Variants in TNFRSF21 observed in about 807,000 individuals in gnomAD.
TNFRSF21 encodes the protein TNF receptor superfamily member 21.
In TNFRSF21, 19 loss-of-function variants were observed where a neutral mutation model predicts 45.6. The ratio of observed to expected loss-of-function variants is 0.42; its 90% CI spans 0.29 to 0.61. The LOEUF (loss-of-function observed/expected upper bound fraction) is 0.61, where lower values mean the gene tolerates loss of function less well. Ranked by LOEUF, TNFRSF21 falls within the 20% of genes least tolerant of loss-of-function variation. The pLI is 0.23. For missense variants in TNFRSF21, 737 were observed against 851.5 expected, an observed-to-expected ratio of 0.87 and a Z score of 1.67; for synonymous variants, 314 against 335.5, an observed-to-expected ratio of 0.94 and a Z score of 0.70.
At chr6:47,239,839 A>G (rs879281164) in intron 4 of TNFRSF21, among the ~76,000 whole-genome samples, 2 of 151,850 alleles carry the variant, frequency 1.3e-5, no homozygotes, top group African/African-American at 2.4e-5. Context: ...TACTGTTGCT[A>G]TTTCATTCTC....
In TNFRSF21 at chr6:47,232,340, C is replaced by T. The variant is rs1764595500; in HGVS notation, c.*425G>A. ...ACTGCTTATAGGATTCACAAGATGC[C>T]ATTATACTTTTAAGAAGTTAAGAGC... On this transcript the variant is annotated 3_prime_UTR_variant, in exon 6 of 6. Transcript: ENST00000296861. The T allele has an allele frequency of 6.3e-6, 1 of 158,814 alleles. No homozygotes were observed. Among genetic ancestry groups the T allele is most frequent in the Admixed American group, 6.1e-5 (1 of 16,344 alleles). The allele number at this position is 158,814 out of a possible 1,614,324, so 9.8% of individuals were successfully genotyped here.
chr6:47,270,327 T>A (rs190981324), intron 3 of TNFRSF21, among the ~76,000 whole-genome samples: 3 of 152,172 alleles, frequency 2.0e-5, no homozygotes, highest in Non-Finnish European at 4.4e-5. Flanking sequence ...TGTTCTGCAA[T>A]ATTTGCCGTT....
chr6:47,239,415 G>A (rs189291992), intron 4 of TNFRSF21, among the ~76,000 whole-genome samples: 207 of 152,134 alleles, frequency 1.4e-3, no homozygotes, highest in African/African-American at 4.5e-3. Flanking sequence ...GGAGGTTGCA[G>A]TATTCCCCTA....
chr6:47,238,092 A>G (rs540487509), intron 4 of TNFRSF21, among the ~76,000 whole-genome samples: 2 of 152,326 alleles, frequency 1.3e-5, no homozygotes, highest in East Asian at 3.9e-4. Context: ...TTTGACAGCT[A>G]GAAAATCAAT....
intron 1 of TNFRSF21, among the ~76,000 whole-genome samples, chr6:47,293,424 G>A (rs1301335602): frequency 1.3e-5 from 2 of 152,202 alleles, no homozygotes; most frequent in Non-Finnish European, 2.9e-5. Context: ...TCATGCTACA[G>A]CGGCAGAGTT....
chr6:47,252,100 G>C (rs1764908834), intron 4 of TNFRSF21, among the ~76,000 whole-genome samples: 1 of 152,112 alleles, frequency 6.6e-6, no homozygotes, highest in South Asian at 2.1e-4. Flanking sequence ...TGCGCTATCA[G>C]TATAAAAAGA....
chr6:47,282,632 C>T (rs551411945), intron 3 of TNFRSF21, among the ~76,000 whole-genome samples: 157 of 152,248 alleles, frequency 1.0e-3, no homozygotes, highest in African/African-American at 3.5e-3. Context: ...GAAACCCACA[C>T]ATAAATCCCA....
rs747406337 is a variant in TNFRSF21 at position 47,232,844 on chromosome 6, T to G, written c.1889A>C (p.Glu630Ala). 1 of 1,614,126 alleles carries G rather than the reference T, an allele frequency of 6.2e-7. No homozygotes were observed. Among genetic ancestry groups the G allele is most frequent in the East Asian group, 2.2e-5 (1 of 44,878 alleles). Reference protein sequence around the residue: ...QAEDKLDRLFEIIGVKSQEAS... With the variant: ...QAEDKLDRLFAIIGVKSQEAS... ...TTCCTGGCTCTTGACTCCAATAATT[T>G]CGAATAGCCGGTCTAGTTTGTCCTC... Residue 630 changes from glutamate (E) to alanine (A), a missense_variant, in exon 6 of 6, where the codon GAA becomes GCA. Coordinates refer to ENST00000296861, the MANE Select transcript of TNFRSF21 (RefSeq NM_014452.5).
chr6:47,306,252 G>A (rs906082824), intron 1 of TNFRSF21, among the ~76,000 whole-genome samples: 7 of 152,192 alleles, frequency 4.6e-5, no homozygotes, highest in African/African-American at 1.7e-4. Context: ...TCCTTCCAAA[G>A]GCATTCCTGT....
At chr6:47,273,560 GA>G (rs2113859188) in intron 3 of TNFRSF21, among the ~76,000 whole-genome samples, 1 of 152,280 alleles carries the variant, frequency 6.6e-6, no homozygotes, top group South Asian at 2.1e-4. Flanking sequence ...ACATCATACT[GA>G]ATGGGCAAAA....
intron 3 of TNFRSF21, among the ~76,000 whole-genome samples, chr6:47,255,202 A>C (rs762413639): frequency 6.6e-6 from 1 of 152,194 alleles, no homozygotes; most frequent in Non-Finnish European, 1.5e-5. Context: ...GGTGATGATG[A>C]AATTGGTGAA....
chr6:47,251,529 C>A (rs951536478), intron 4 of TNFRSF21, among the ~76,000 whole-genome samples: 8 of 152,150 alleles, frequency 5.3e-5, no homozygotes, highest in African/African-American at 1.9e-4. Context: ...TGCACTCTCA[C>A]CTTCTTATTT....
chr6:47,261,401 G>A (rs34219815), intron 3 of TNFRSF21, among the ~76,000 whole-genome samples: 3,542 of 152,258 alleles, frequency 0.023, 60 homozygotes, highest in Non-Finnish European at 0.03. Flanking sequence ...AAATGAATGA[G>A]AGTCTTTTTT....
chr6:47,257,892 T>G (rs1356115624), intron 3 of TNFRSF21, among the ~76,000 whole-genome samples: 2 of 152,182 alleles, frequency 1.3e-5, no homozygotes, highest in Non-Finnish European at 2.9e-5. Context: ...TAGTGCAAGG[T>G]CACCCACCCA....
intron 4 of TNFRSF21, among the ~76,000 whole-genome samples, chr6:47,236,305 CA>C (rs1764665387): frequency 6.6e-6 from 1 of 152,156 alleles, no homozygotes; most frequent in African/African-American, 2.4e-5. Context: ...CCAGATCACA[CA>C]GAGCAGGGTT....
intron 4 of TNFRSF21, among the ~76,000 whole-genome samples, chr6:47,251,932 A>G (rs1239056440): frequency 6.6e-6 from 1 of 152,174 alleles, no homozygotes; most frequent in Non-Finnish European, 1.5e-5. Flanking sequence ...ATTAATAAGT[A>G]TTTTTTTCTG....
intron 3 of TNFRSF21, among the ~76,000 whole-genome samples, chr6:47,271,141 C>A (rs1162931054): frequency 1.3e-5 from 2 of 152,134 alleles, no homozygotes; most frequent in East Asian, 3.9e-4. Flanking sequence ...GGCAGGCCAA[C>A]ATTCAAATTC....
chr6:47,298,334 A>C (rs2113869493), intron 1 of TNFRSF21, among the ~76,000 whole-genome samples: 1 of 151,122 alleles, frequency 6.6e-6, no homozygotes, highest in African/African-American at 2.4e-5. Context: ...TGTTCCAGCT[A>C]CTCAGGAGGC....
Position 47,286,035 on chromosome 6 carries a change from G to A in TNFRSF21, c.657C>T (p.Ser219=). ...NVCGTLPSFS[S]STSPSPGTAI... ...CTGTGCCAGGGGAAGGTGAGGTGGA[G>A]CTGGAGAAGGACGGGAGTGTGCCAC... Residue 219 remains serine (S), a synonymous_variant, in exon 2 of 6, where the codon AGC becomes AGT. Coordinates refer to ENST00000296861, the MANE Select transcript of TNFRSF21 (RefSeq NM_014452.5). 4 of 1,614,254 alleles carry A rather than the reference G, an allele frequency of 2.5e-6. No homozygotes were observed. The highest frequency in any genetic ancestry group is 2.5e-6 in the Non-Finnish European group (3 of 1,180,042).
Sources: gnomAD v4.1 joint callset for allele counts (sites outside exome capture counted in the v4.1 genomes callset) on GRCh38, gnomAD v4.1.1 for gene constraint, MANE v1.5 for transcripts, NCBI Gene and HGNC (gene_info 2026-07-23, HGNC 2026-07-21) for gene names.